Variants in CNOT10 observed in about 807,000 individuals in gnomAD.
CNOT10 encodes CCR4-NOT transcription complex subunit 10.
CNOT10 carries 30 observed loss-of-function variants against 94.6 expected under a neutral mutation model. The observed-to-expected ratio is 0.32, with a 90% CI of 0.24 to 0.43. CNOT10 has a LOEUF of 0.43. CNOT10 is among the 20% of genes least tolerant of loss of function. CNOT10 has a pLI of 1.00. For missense variants in CNOT10, 759 were observed against 877.2 expected, an observed-to-expected ratio of 0.87 and a Z score of 1.70; for synonymous variants, 289 against 301.6, an observed-to-expected ratio of 0.96 and a Z score of 0.43.
At chr3:32,769,719 A>T in intron 17 of CNOT10, 168 bp from the exon 18 acceptor site, 1 of 584,926 alleles carries the variant, frequency 1.7e-6, no homozygotes, top group Non-Finnish European at 3.1e-6. Context: ...GTTAGGTTTT[A>T]AGACAAAAGG....
intron 4 of CNOT10, among the ~76,000 whole-genome samples, chr3:32,711,419 C>T (rs1056968275): frequency 2.6e-5 from 4 of 152,030 alleles, no homozygotes; most frequent in South Asian, 2.1e-4. Context: ...ATGGGGAAAA[C>T]GTCTGTACAT....
chr3:32,767,519 C>CAAAAAA (rs10687739), intron 17 of CNOT10, among the ~76,000 whole-genome samples: 1 of 105,592 alleles, frequency 9.5e-6, no homozygotes, highest in Non-Finnish European at 1.8e-5. Flanking sequence ...AACTCTGTCT[C>CAAAAAA]AAAAAAAAAA....
intron 17 of CNOT10, among the ~76,000 whole-genome samples, chr3:32,767,590 C>T (rs913929599): frequency 3.3e-5 from 5 of 150,674 alleles, no homozygotes; most frequent in African/African-American, 1.2e-4. Context: ...CTTGTTGTGC[C>T]TAGAAGTGAT....
At position 32,737,050 on chromosome 3, in the gene CNOT10, CCTCTGTAAATCCTAGCA is replaced by C. The variant is rs1419539985; in HGVS notation, c.1515-357_1515-341del. 2.6e-5 allele frequency among the ~76,000 whole-genome samples: 4 copies of C among 152,268 alleles called. No individual in the cohort carries two copies. The East Asian group carries it at 7.7e-4, about 29-fold the overall frequency. The stretch of plus-strand genomic sequence containing the variant: ...ATGGGAGGCCGGGCGAGGTGAGACA[CCTCTGTAAATCCTAGCA>C]CTTTGGGAGGCCAAGGCAGGTGGAT... On this transcript the variant is annotated intron_variant, in intron 12 of 18. Coordinates refer to ENST00000328834, the MANE Select transcript of CNOT10 (RefSeq NM_015442.3).
chr3:32,754,518 CTTTTTT>C (rs752732319), intron 13 of CNOT10, among the ~76,000 whole-genome samples: 7,866 of 61,940 alleles, frequency 0.13, 581 homozygotes, highest in Middle Eastern at 0.24. Flanking sequence ...ATTTATTTTA[CTTTTTT>C]TTTTTTTTTT....
intron 1 of CNOT10, among the ~76,000 whole-genome samples, chr3:32,694,481 ACTC>A (rs1449945206): frequency 4.0e-5 from 6 of 151,208 alleles, no homozygotes; most frequent in East Asian, 3.9e-4. Context: ...ATGCATAAAA[ACTC>A]CTCCTCTTAG....
chr3:32,753,434 T>G, intron 13 of CNOT10: 1 of 1,522,306 alleles, frequency 6.6e-7, no homozygotes, highest in Admixed American at 1.7e-5. Flanking sequence ...TTGTCTGCTT[T>G]GGTTAAACTT....
intron 3 of CNOT10, among the ~76,000 whole-genome samples, chr3:32,705,771 T>C (rs1277233014): frequency 1.3e-5 from 2 of 152,124 alleles, no homozygotes; most frequent in Non-Finnish European, 2.9e-5. Context: ...CCTGTAATCA[T>C]GAGTACCATG....
At chr3:32,772,344 G>A (rs74405386) in intron 18 of CNOT10, among the ~76,000 whole-genome samples, 3,957 of 151,138 alleles carry the variant, frequency 0.026, 80 homozygotes, top group East Asian at 0.1. Context: ...GCGAGACTCC[G>A]TCTCAAAAAA....
chr3:32,727,522 C>T (rs1396884866), intron 9 of CNOT10, 146 bp from the exon 10 acceptor site: 1 of 611,772 alleles, frequency 1.6e-6, no homozygotes, highest in African/African-American at 1.9e-5. Flanking sequence ...AGAATGGAGA[C>T]CACCATTGGC....
chr3:32,698,045 G>A (rs543601830), intron 1 of CNOT10, among the ~76,000 whole-genome samples: 8 of 152,258 alleles, frequency 5.3e-5, no homozygotes, highest in Non-Finnish European at 1.0e-4. Flanking sequence ...ATTTTTACAC[G>A]TTTTAAAATA....
intron 1 of CNOT10, among the ~76,000 whole-genome samples, chr3:32,689,463 C>T (rs1044840525): frequency 6.6e-6 from 1 of 151,890 alleles, no homozygotes; most frequent in Non-Finnish European, 1.5e-5. Flanking sequence ...AGACAGAAAC[C>T]CTAAGGATAA....
intron 1 of CNOT10, chr3:32,695,968 A>AGTGTGTGTGTGTGT (rs764702440): frequency 2.4e-4 from 105 of 433,146 alleles, no homozygotes; most frequent in African/African-American, 2.0e-3. Flanking sequence ...TGTTGAAGAG[A>AGTGTGTGTGTGTGT]GTGTGTGTGT....
chr3:32,701,145 G>C (rs558207555), intron 1 of CNOT10, among the ~76,000 whole-genome samples: 1 of 152,154 alleles, frequency 6.6e-6, no homozygotes, highest in African/African-American at 2.4e-5. Context: ...TGTGGCGGCA[G>C]GTGCCTGTAG....
At chr3:32,753,331 T>C in intron 13 of CNOT10, 1 of 1,134,912 alleles carries the variant, frequency 8.8e-7, no homozygotes, top group Non-Finnish European at 1.3e-6. Context: ...AAATCAGGTA[T>C]GACTGGTATC....
rs146391096 is a variant in CNOT10, at chr3:32,713,177, T to G, written c.431-50T>G. On this transcript the variant is annotated intron_variant, in intron 4 of 18. Coordinates refer to ENST00000328834, the MANE Select transcript of CNOT10 (RefSeq NM_015442.3). The stretch of plus-strand genomic sequence containing the variant: ...TTTTTGGAGGGTGGTCTGAAATGTG[T>G]GCTTTACTTTAGGTTGTGACTATTC... 1.8e-3 allele frequency: 2,651 copies of G among 1,469,992 alleles called. 7 individuals are homozygous for G. Among genetic ancestry groups the G allele is most frequent in the Non-Finnish European group, 2.1e-3 (2,351 of 1,097,860 alleles). The allele number at this position is 1,469,992 out of a possible 1,614,324, so 91.1% of individuals were successfully genotyped here. A position where few individuals can be genotyped will look rare whatever the true frequency, so the allele number is the denominator to read the frequency against.
At chr3:32,706,368 G>A (rs1697623821) in intron 3 of CNOT10, among the ~76,000 whole-genome samples, 1 of 152,082 alleles carries the variant, frequency 6.6e-6, no homozygotes, top group Admixed American at 6.6e-5. Context: ...CTTCCAGTTA[G>A]GCCAAAAAAA....
At chr3:32,720,044 C>T (rs1698301344) in intron 7 of CNOT10, 70 bp from the exon 8 acceptor site, 1 of 692,446 alleles carries the variant, frequency 1.4e-6, no homozygotes, top group Non-Finnish European at 2.5e-6. Context: ...GTCAGTACAA[C>T]AGTATAATTA....
intron 10 of CNOT10, 63 bp downstream of exon 10, chr3:32,727,933 TA>T (rs60100965): frequency 0.16 from 119,803 of 734,736 alleles, 129 homozygotes; most frequent in East Asian, 0.19. Flanking sequence ...ATGGAATGGT[TA>T]AAAAAAAAAA....
Sources: gnomAD v4.1 joint callset for allele counts (sites outside exome capture counted in the v4.1 genomes callset) on GRCh38, gnomAD v4.1.1 for gene constraint, MANE v1.5 for transcripts, NCBI Gene and HGNC (gene_info 2026-07-23, HGNC 2026-07-21) for gene names.